The following SLC15A5 variants were observed in gnomAD, a reference collection of about 807,000 sequenced individuals.
SLC15A5 encodes the protein Peptide/histidine transporter ENSP00000340402.
Under a neutral mutation model 56.1 loss-of-function variants are expected in SLC15A5, and 58 were observed. The observed-to-expected ratio is 1.03, with a 90% confidence interval of 0.84 to 1.29. The LOEUF is 1.29. Ranked by LOEUF, SLC15A5 falls within the 50% of genes most tolerant of loss-of-function variation. The pLI, the probability that SLC15A5 is intolerant of heterozygous loss-of-function variation, is 0.00. For missense variants in SLC15A5, 681 were observed against 672.1 expected (o/e 1.01, Z -0.15); for synonymous variants, 264 against 250.5 (o/e 1.05, Z -0.51).
chr12:16,221,039 G>A lies in SLC15A5; in HGVS notation c.1351+3375C>T, dbSNP rs538818934. 5.7e-4 allele frequency among the ~76,000 whole-genome samples: 87 copies of A among 151,982 alleles called. 3 individuals are homozygous for A. Among genetic ancestry groups the A allele is most frequent in the Admixed American group, 5.6e-3 (85 of 15,278 alleles). ...CTTAGTAGGGTAGGCTATGTCTACT[G>A]TCATTTATGGAGTGATTCACTGTGT... On this transcript the variant is annotated intron_variant, in intron 6 of 8. Coordinates refer to ENST00000344941, the MANE Select transcript of SLC15A5 (RefSeq NM_001170798.1).
At position 16,266,543 on chromosome 12, in the gene SLC15A5, G is replaced by T. The variant is rs143123508; in HGVS notation, c.584+6018C>A. Among the ~76,000 whole-genome samples the T allele has an allele frequency of 1.3e-3, 197 of 152,226 alleles. 6 individuals are homozygous for T. In the East Asian group the frequency reaches 0.027, roughly 21 times the overall value. ...CAAATGCCACCCAACATATTTGATT[G>T]TGTAATTTTCTGAAAGAATTACCTA... is the stretch of plus-strand genomic sequence containing the variant. On this transcript the variant is annotated intron_variant, in intron 2 of 8. Transcript: ENST00000344941.
intron 3 of SLC15A5, among the ~76,000 whole-genome samples, chr12:16,256,372 A>T (rs147016233): frequency 7.2e-5 from 11 of 152,298 alleles, no homozygotes; most frequent in African/African-American, 2.6e-4. Context: ...AAAAACAGAC[A>T]TTATGCCTCT....
chr12:16,268,405 G>A (rs1266051255), intron 2 of SLC15A5, among the ~76,000 whole-genome samples: 1 of 152,176 alleles, frequency 6.6e-6, no homozygotes, highest in Non-Finnish European at 1.5e-5. Context: ...GCTAGAGCCA[G>A]TGCAAATAGA....
intron 5 of SLC15A5, among the ~76,000 whole-genome samples, chr12:16,230,051 A>G (rs1864281572): frequency 6.6e-6 from 1 of 152,170 alleles, no homozygotes. Context: ...TGAGGAAAAA[A>G]TAAATAATAT....
intron 6 of SLC15A5, among the ~76,000 whole-genome samples, chr12:16,222,850 A>G (rs1327460994): frequency 6.6e-6 from 1 of 152,202 alleles, no homozygotes; most frequent in Admixed American, 6.5e-5. Flanking sequence ...ATTTTGGCTG[A>G]CTACTTCCAA....
chr12:16,272,350 G>A (rs1799518), intron 2 of SLC15A5, among the ~76,000 whole-genome samples: 41,482 of 152,000 alleles, frequency 0.27, 7,102 homozygotes, highest in African/African-American at 0.48. Flanking sequence ...ATGTGTCCGC[G>A]TGTGTTGGGA....
intron 8 of SLC15A5, among the ~76,000 whole-genome samples, chr12:16,190,543 T>G (rs946466505): frequency 2.0e-5 from 3 of 152,188 alleles, no homozygotes; most frequent in Admixed American, 2.0e-4. Flanking sequence ...CTTTATTCAC[T>G]GCTTTATTCC....
At chr12:16,245,667 C>A (rs1224703656) in intron 3 of SLC15A5, among the ~76,000 whole-genome samples, 1 of 152,034 alleles carries the variant, frequency 6.6e-6, no homozygotes, top group Non-Finnish European at 1.5e-5. Flanking sequence ...CAGATAAATC[C>A]CCCCAGAAAT....
At chr12:16,262,494 G>A (rs1447182211) in intron 2 of SLC15A5, among the ~76,000 whole-genome samples, 2 of 152,016 alleles carry the variant, frequency 1.3e-5, no homozygotes, top group African/African-American at 2.4e-5. Flanking sequence ...CTCTAAACAA[G>A]GTTTTTTGTT....
In SLC15A5 at chr12:16,265,938, T is replaced by G. The variant is rs547467342; in HGVS notation, c.584+6623A>C. On this transcript the variant is annotated intron_variant, in intron 2 of 8. Coordinates refer to ENST00000344941, the MANE Select transcript of SLC15A5 (RefSeq NM_001170798.1). ...ACCTAGCACAGTACTAGGTTCAAAATAAATGGAGATTAAATAACAGATTAA... is the reference window on the plus strand; with the variant it reads ...ACCTAGCACAGTACTAGGTTCAAAAGAAATGGAGATTAAATAACAGATTAA... Among the ~76,000 whole-genome samples, 6 of 152,320 alleles carry G rather than the reference T, an allele frequency of 3.9e-5. No individual in the cohort carries two copies. In the East Asian group the frequency reaches 1.2e-3, roughly 29 times the overall value.
rs184310933 is a variant in SLC15A5, at chr12:16,266,617, G to A, written c.584+5944C>T. ...CTTTGTTGATCCATGGACAGGACAA[G>A]CCACAGATAATTAAGGATGAAATTG... On this transcript the variant is annotated intron_variant, in intron 2 of 8. Coordinates refer to ENST00000344941, the MANE Select transcript of SLC15A5 (RefSeq NM_001170798.1). Among the ~76,000 whole-genome samples, 146 of 152,136 alleles carry A rather than the reference G, an allele frequency of 9.6e-4. 4 individuals carry two copies. In the East Asian group the frequency reaches 0.026, roughly 27 times the overall value.
At chr12:16,228,585 G>A (rs550317433) in intron 5 of SLC15A5, among the ~76,000 whole-genome samples, 2 of 152,120 alleles carry the variant, frequency 1.3e-5, no homozygotes, top group Admixed American at 1.3e-4. Context: ...AACTGCTCAG[G>A]TACACTTACA....
intron 7 of SLC15A5, among the ~76,000 whole-genome samples, chr12:16,213,255 C>G (rs1438713371): frequency 1.3e-5 from 2 of 152,094 alleles, no homozygotes; most frequent in Non-Finnish European, 2.9e-5. Flanking sequence ...TGACTGCCAT[C>G]TTTACTGAAC....
chr12:16,272,476 G>C (rs2136825654), intron 2 of SLC15A5, 85 bp downstream of exon 2: 2 of 1,257,690 alleles, frequency 1.6e-6, no homozygotes, highest in East Asian at 2.5e-5. Flanking sequence ...CACAAAGACT[G>C]AGCAACTACT....
intron 7 of SLC15A5, among the ~76,000 whole-genome samples, chr12:16,194,920 A>G (rs1863878919): frequency 6.6e-6 from 1 of 152,064 alleles, no homozygotes; most frequent in Non-Finnish European, 1.5e-5. Flanking sequence ...TATATAGGTG[A>G]TAGATGTTAG....
At chr12:16,260,042 G>A (rs914362574) in intron 2 of SLC15A5, among the ~76,000 whole-genome samples, 2 of 152,172 alleles carry the variant, frequency 1.3e-5, no homozygotes, top group African/African-American at 4.8e-5. Context: ...AAAATATTAA[G>A]TCTTGCTCAT....
In SLC15A5 at chr12:16,257,812, G is replaced by T. The variant is rs1864592294; in HGVS notation, c.643C>A (p.Gln215Lys). 6.6e-7 allele frequency: 1 copy of T among 1,526,550 alleles called. No homozygotes were observed. The highest frequency in any genetic ancestry group is 1.2e-5 in the South Asian group (1 of 81,400). 94.6% of individuals were successfully genotyped at this position (1,526,550 alleles called of 1,614,324 possible). ...TIVFLGISYI[Q>K]HSQAWALVLL... ...ACAAGGGCCCAGGCCTGTGAGTGCT[G>T]GATGTAAGATATTCCCAGAAACACA... The change falls in exon 3 of 9, where the codon CAG (glutamine) becomes AAG (lysine). Residue 215 changes from glutamine to lysine, a missense_variant. By Grantham distance (53) the Gln-to-Lys change is moderately conservative. Coordinates refer to ENST00000344941, the MANE Select transcript of SLC15A5 (RefSeq NM_001170798.1).
At chr12:16,226,272 G>GA (rs1362362643) in intron 5 of SLC15A5, among the ~76,000 whole-genome samples, 5 of 151,942 alleles carry the variant, frequency 3.3e-5, no homozygotes, top group Non-Finnish European at 1.5e-5. Context: ...ATAATGACAA[G>GA]AAAAAAAGTC....
intron 7 of SLC15A5, among the ~76,000 whole-genome samples, chr12:16,200,119 C>T (rs1863938953): frequency 1.3e-5 from 2 of 151,250 alleles, no homozygotes; most frequent in Admixed American, 6.6e-5. Context: ...AAAGTGACTA[C>T]GATACATGTT....
Sources: allele counts gnomAD v4.1 joint callset (sites outside exome capture counted in the v4.1 genomes callset), GRCh38; gene constraint gnomAD v4.1.1; transcripts MANE v1.5; gene names NCBI Gene and HGNC (gene_info 2026-07-23, HGNC 2026-07-21).